The following TENM2 variants were observed in gnomAD, a reference collection of about 807,000 sequenced individuals.
TENM2 encodes the protein teneurin transmembrane protein 2.
A neutral mutation model predicts 245.2 loss-of-function variants in TENM2; 52 were observed. The observed-to-expected ratio is 0.21, with a 90% CI of 0.17 to 0.27. TENM2 has a LOEUF of 0.27. Ranked by LOEUF, TENM2 falls within the 10% of genes least tolerant of loss-of-function variation. The pLI is 1.00. For synonymous variants in TENM2, 1,363 were observed against 1,438.9 expected, an observed-to-expected ratio of 0.95 and a Z score of 1.19; for missense variants, 3,046 against 3,666.8, an observed-to-expected ratio of 0.83 and a Z score of 4.37.
chr5:168,247,663 C>T lies in TENM2; in HGVS notation c.6724C>T (p.Arg2242Cys), dbSNP rs777269622. ...CTTACTGAACCCAGGCAACAGTGTG[C>T]GCCTCATGCCCTTGCGCTATGACCT... The change falls in exon 27 of 29, where the codon CGC (arginine) becomes TGC (cysteine). Residue 2242 changes from arginine to cysteine, a missense_variant. By Grantham distance (180) the Arg-to-Cys change is radical (BLOSUM62 -3). Around this residue, in one of 2 missense-constraint regions of TENM2, gnomAD observed 2,704 missense variants for 3,331.9 expected, o/e 0.81. Coordinates refer to ENST00000518659, the Ensembl canonical transcript of TENM2. This position sits in a 1 kb window ranked among gnomAD's most constrained non-coding sequence, Gnocchi z 7.8. The T allele has an allele frequency of 5.0e-6, 8 of 1,613,812 alleles. No individual in the cohort carries two copies. In the Admixed American group the frequency reaches 6.7e-5, roughly 13 times the overall value.
chr5:167,732,813 T>C (rs60677536), intron 2 of TENM2, among the ~76,000 whole-genome samples: 303 of 152,324 alleles, frequency 2.0e-3, no homozygotes, highest in African/African-American at 6.7e-3. Flanking sequence ...GTGCCAAATA[T>C]GACAAACTGA....
At chr5:168,128,695 C>G (rs1441395780) in intron 12 of TENM2, among the ~76,000 whole-genome samples, 1 of 152,264 alleles carries the variant, frequency 6.6e-6, no homozygotes, top group Non-Finnish European at 1.5e-5. Context: ...GCCAGAGGGC[C>G]AAATCTGGCC....
intron 2 of TENM2, among the ~76,000 whole-genome samples, chr5:167,793,828 T>TAA (rs199764642): frequency 8.0e-6 from 1 of 124,482 alleles, no homozygotes; most frequent in Non-Finnish European, 1.7e-5. Flanking sequence ...AAACCCTGTC[T>TAA]AAAAAAAAAA....
the TENM2 span, among the ~76,000 whole-genome samples, chr5:167,181,919 C>G: frequency 2.0e-5 from 3 of 152,166 alleles, no homozygotes; most frequent in Non-Finnish European, 4.4e-5. Flanking sequence ...TCCTTATCCT[C>G]TGTGTCCAGG....
At chr5:167,662,803 A>G (rs990823941) in intron 2 of TENM2, among the ~76,000 whole-genome samples, 1 of 152,166 alleles carries the variant, frequency 6.6e-6, no homozygotes, top group African/African-American at 2.4e-5. Flanking sequence ...GAACACCACC[A>G]TCAGCATCAC....
chr5:168,044,555 C>A (rs927873112), intron 5 of TENM2, among the ~76,000 whole-genome samples: 2 of 151,778 alleles, frequency 1.3e-5, no homozygotes, highest in East Asian at 3.9e-4. Context: ...TCCAACCCCC[C>A]AAATCTGCCC....
chr5:167,762,980 A>G (rs1430336938), intron 2 of TENM2, among the ~76,000 whole-genome samples: 1 of 152,140 alleles, frequency 6.6e-6, no homozygotes. Context: ...CTTTTCCATT[A>G]TCACTGATTA....
intron 2 of TENM2, among the ~76,000 whole-genome samples, chr5:167,870,853 C>A (rs1472422991): frequency 6.6e-6 from 1 of 151,850 alleles, no homozygotes; most frequent in African/African-American, 2.4e-5. Flanking sequence ...CTACATAAAT[C>A]ACTTATGCAT....
chr5:167,538,838 C>T (rs899804682), intron 2 of TENM2, among the ~76,000 whole-genome samples: 1 of 152,162 alleles, frequency 6.6e-6, no homozygotes, highest in African/African-American at 2.4e-5. Context: ...TAATTTTACA[C>T]TGGAAGGAGA....
intron 2 of TENM2, among the ~76,000 whole-genome samples, chr5:167,874,907 G>T (rs1773289866): frequency 6.6e-6 from 1 of 152,148 alleles, no homozygotes; most frequent in Admixed American, 6.5e-5. Flanking sequence ...CACAGTTATG[G>T]TGTCCCAAAA....
rs140897766 is a variant in TENM2, at chr5:167,377,213, A to T, written c.502+1740A>T. ...TATTTGGTAGACCAATAGTAGTTTC[A>T]TTTTTTTCATATTATTTGAAACATC... On this transcript the variant is annotated intron_variant, in intron 2 of 28. Transcript: ENST00000518659. 1.0e-3 allele frequency among the ~76,000 whole-genome samples: 153 copies of T among 152,190 alleles called. No individual in the cohort carries two copies. In the Middle Eastern group the frequency reaches 0.031, roughly 30 times the overall value.
the TENM2 span, among the ~76,000 whole-genome samples, chr5:167,093,768 G>T: frequency 6.6e-6 from 1 of 152,140 alleles, no homozygotes; most frequent in African/African-American, 2.4e-5. Context: ...GAGGATTTGG[G>T]TAGGTAGAAA....
At chr5:167,672,066 T>A (rs2150353166) in intron 2 of TENM2, among the ~76,000 whole-genome samples, 1 of 151,900 alleles carries the variant, frequency 6.6e-6, no homozygotes, top group South Asian at 2.1e-4. Flanking sequence ...AATCTTGCAA[T>A]GTGCAAAATT....
At chr5:168,043,440 T>C (rs536864830) in intron 5 of TENM2, among the ~76,000 whole-genome samples, 10 of 152,292 alleles carry the variant, frequency 6.6e-5, no homozygotes, top group African/African-American at 2.4e-4. Flanking sequence ...GGTATGATGA[T>C]ATCACATTTA....
chr5:167,497,770 C>T (rs1367783696), intron 2 of TENM2, among the ~76,000 whole-genome samples: 1 of 151,692 alleles, frequency 6.6e-6, no homozygotes, highest in African/African-American at 2.4e-5. Flanking sequence ...TATTGGGTAC[C>T]CATAGGGTGA....
intron 3 of TENM2, among the ~76,000 whole-genome samples, chr5:167,927,055 T>G (rs1777822154): frequency 6.6e-6 from 1 of 152,162 alleles, no homozygotes; most frequent in Admixed American, 6.5e-5. Context: ...TTGGACTTCT[T>G]GTAGGTAGCC....
At chr5:167,853,289 CAAAAAAAA>C (rs777170514) in intron 2 of TENM2, among the ~76,000 whole-genome samples, 6 of 24,620 alleles carry the variant, frequency 2.4e-4, no homozygotes, top group South Asian at 2.5e-3. Flanking sequence ...GACTCCGTCT[CAAAAAAAA>C]AAAAAAAAAA....
chr5:167,093,691 C>T, the TENM2 span, among the ~76,000 whole-genome samples: 1 of 152,148 alleles, frequency 6.6e-6, no homozygotes, highest in Non-Finnish European at 1.5e-5. Flanking sequence ...GGACTTTGTA[C>T]CTTATCTTAC....
intron 1 of TENM2, among the ~76,000 whole-genome samples, chr5:167,313,636 CA>C (rs1756177574): frequency 6.6e-6 from 1 of 152,104 alleles, no homozygotes; most frequent in Non-Finnish European, 1.5e-5. Context: ...CTTCACTTGG[CA>C]AGTCACTTAT....
Sources: gnomAD v4.1 joint callset for allele counts (sites outside exome capture counted in the v4.1 genomes callset) on GRCh38, gnomAD v4.1.1 for gene constraint, gnomAD v4.1.1 regional missense constraint, Gnocchi (gnomAD v3.1) non-coding constraint, MANE v1.5 for transcripts, NCBI Gene and HGNC (gene_info 2026-07-23, HGNC 2026-07-21) for gene names.